Variants in DIDO1 observed in about 807,000 individuals in gnomAD.
The protein encoded by DIDO1 is death inducer-obliterator 1.
A neutral mutation model predicts 99.4 loss-of-function variants in DIDO1; 16 were observed. That is an observed-to-expected ratio of 0.16 (90% CI 0.11 to 0.24). DIDO1 has a LOEUF of 0.24. Among genes scored for constraint, DIDO1 ranks in the 10% least tolerant of loss-of-function variants. The pLI, the probability that DIDO1 is intolerant of heterozygous loss-of-function variation, is 1.00. For synonymous variants in DIDO1, 1,366 were observed against 1,239.1 expected (o/e 1.10, Z -2.15); for missense variants, 2,996 against 3,014.0 (o/e 0.99, Z 0.14).
intron 6 of DIDO1, among the ~76,000 whole-genome samples, chr20:62,903,285 T>TG (rs1448273274): frequency 6.6e-6 from 1 of 152,210 alleles, no homozygotes. Context: ...CCTCACCTGT[T>TG]GGACAGGAAC....
intron 4 of DIDO1, 122 bp from the exon 5 acceptor site, chr20:62,907,481 G>A (rs1023482310): frequency 2.6e-5 from 24 of 919,552 alleles, no homozygotes; most frequent in Non-Finnish European, 3.8e-5. Flanking sequence ...GATACTAACA[G>A]TACTTTTAAT....
rs747526628 is a variant in DIDO1 at position 62,911,394 on chromosome 20, G to A, written c.219C>T (p.Arg73=). The A allele has an allele frequency of 6.3e-5, 101 of 1,611,884 alleles. No homozygotes were observed. In the Admixed American group the frequency reaches 9.8e-4, roughly 16 times the overall value. The change falls in exon 3 of 16, where the codon CGC becomes CGT. Residue 73 remains arginine (R), a synonymous_variant. Coordinates refer to ENST00000395343, the MANE Select transcript of DIDO1 (RefSeq NM_001193369.2). This position sits in a 1 kb window ranked among gnomAD's most constrained non-coding sequence, Gnocchi z 7.0. The stretch of plus-strand genomic sequence containing the variant: ...GCGCAATGGTCAGGAACTGCTCCAC[G>A]CGCTCAGTGCGCTTGGGCTGCCTCC... ...RSGRQPKRTE[R]VEQFLTIARR...
chr20:62,889,420 T>C (rs1248212156), intron 15 of DIDO1: 9 of 985,268 alleles, frequency 9.1e-6, no homozygotes, highest in Non-Finnish European at 1.1e-5. Context: ...GGAGAGAAGC[T>C]CAAGAAAGGA....
Position 62,911,263 on chromosome 20 carries a change from C to T in DIDO1, c.350G>A (p.Ser117Asn), listed in dbSNP as rs1325594218. ...AETASEGSVESASETRSGPQS... is the reference protein window; with the variant it reads ...AETASEGSVENASETRSGPQS... The stretch of plus-strand genomic sequence containing the variant: ...GGGGCCGCTTCTGGTCTCAGAAGCG[C>T]TTTCCACGCTGCCCTCGGAGGCTGT... The change falls in exon 3 of 16, where the codon AGC becomes AAC. Residue 117 changes from serine (S) to asparagine (N), a missense_variant. Transcript: ENST00000395343. This position sits in a 1 kb window ranked among gnomAD's most constrained non-coding sequence, Gnocchi z 7.0. 1.9e-6 allele frequency: 3 copies of T among 1,612,964 alleles called. No homozygotes were observed. The highest frequency in any genetic ancestry group is 3.3e-5 in the Admixed American group (2 of 60,008).
chr20:62,882,077 T>TGCTGTTGTG lies in DIDO1; in HGVS notation c.3870_3878dup (p.Thr1291_Ala1293dup). The TGCTGTTGTG allele has an allele frequency of 1.2e-6, 2 of 1,601,212 alleles. No individual in the cohort carries two copies. Among genetic ancestry groups the TGCTGTTGTG allele is most frequent in the South Asian group, 2.3e-5 (2 of 88,320 alleles). On this transcript the variant is annotated inframe_insertion, in exon 16 of 16. Coordinates refer to ENST00000395343, the MANE Select transcript of DIDO1 (RefSeq NM_001193369.2). ...AGGAAGCTGCCGTGGAGGCTGCCGC[T>TGCTGTTGTG]GCTGTTGTGGCTGCTGTGGCTGGGC...
chr20:62,897,513 A>T (rs2064563710), intron 6 of DIDO1, among the ~76,000 whole-genome samples: 1 of 152,228 alleles, frequency 6.6e-6, no homozygotes, highest in Non-Finnish European at 1.5e-5. Flanking sequence ...GATGCCATTA[A>T]TAAAAATATG....
At chr20:62,899,470 C>G (rs890599105) in intron 6 of DIDO1, among the ~76,000 whole-genome samples, 8 of 152,336 alleles carry the variant, frequency 5.3e-5, no homozygotes, top group Admixed American at 1.3e-4. Context: ...TGGCCACACT[C>G]AGATTTCTGC....
intron 2 of DIDO1, among the ~76,000 whole-genome samples, chr20:62,913,302 C>G (rs1287391076): frequency 8.6e-6 from 1 of 116,506 alleles, no homozygotes; most frequent in African/African-American, 2.6e-5. Context: ...AGGGCACCAG[C>G]AGCGACTCCA....
At position 62,910,922 on chromosome 20, in the gene DIDO1, T is replaced by C. The variant is rs1208813285; in HGVS notation, c.691A>G (p.Lys231Glu). ...NDQGVVSQAGKDDRESKLEGK... is the reference protein window; with the variant it reads ...NDQGVVSQAGEDDRESKLEGK... Reference sequence around the variant, plus strand: ...TCCAACTTACTCTCTCTGTCATCTTTCCCAGCCTGGGACACAACCCCCTGA... The same window carrying C: ...TCCAACTTACTCTCTCTGTCATCTTCCCCAGCCTGGGACACAACCCCCTGA... Residue 231 changes from lysine (K) to glutamate (E), a missense_variant, in exon 3 of 16, where the codon AAA (lysine) becomes GAA (glutamate). Lys to Glu is a moderately conservative substitution (Grantham distance 56). Coordinates refer to ENST00000395343, the MANE Select transcript of DIDO1 (RefSeq NM_001193369.2). 5 of 1,614,140 alleles carry C rather than the reference T, an allele frequency of 3.1e-6. No homozygotes were observed. The highest frequency in any genetic ancestry group is 1.7e-5 in the Admixed American group (1 of 60,028).
intron 1 of DIDO1, among the ~76,000 whole-genome samples, chr20:62,934,517 G>T (rs145090273): frequency 6.6e-6 from 1 of 152,292 alleles, no homozygotes; most frequent in East Asian, 1.9e-4. Context: ...CAGAAGCTGA[G>T]AAATTATCCT....
chr20:62,929,692 A>AAAAAAAAAAATAT, upstream of DIDO1, among the ~76,000 whole-genome samples: 128 of 63,728 alleles, frequency 2.0e-3, 4 homozygotes, highest in African/African-American at 9.0e-3. Flanking sequence ...AAAAAGAAAA[A>AAAAAAAAAAATAT]GTGTATATAT....
At chr20:62,906,331 C>T (rs942924986) in intron 5 of DIDO1, among the ~76,000 whole-genome samples, 2 of 152,180 alleles carry the variant, frequency 1.3e-5, no homozygotes, top group Non-Finnish European at 2.9e-5. Context: ...ACTTGTGCTC[C>T]GTGAAGGGCG....
chr20:62,907,816 A>G (rs1180923953), intron 4 of DIDO1, among the ~76,000 whole-genome samples: 2 of 152,278 alleles, frequency 1.3e-5, no homozygotes, highest in South Asian at 2.1e-4. Flanking sequence ...AGAAGACTTC[A>G]TAGCTGGTTT....
intron 1 of DIDO1, among the ~76,000 whole-genome samples, chr20:62,919,269 C>G (rs1373589338): frequency 6.6e-6 from 1 of 152,158 alleles, no homozygotes; most frequent in Non-Finnish European, 1.5e-5. Flanking sequence ...TATTCTGGGC[C>G]GGGTGCGGTG....
chr20:62,920,432 G>C (rs1185932561), intron 1 of DIDO1, among the ~76,000 whole-genome samples: 2 of 152,194 alleles, frequency 1.3e-5, no homozygotes. Context: ...AGGGCACTTT[G>C]AGGGAGAGGT....
At chr20:62,910,638 T>C in intron 3 of DIDO1, 136 bp downstream of exon 3, 1 of 1,106,682 alleles carries the variant, frequency 9.0e-7, no homozygotes, top group Non-Finnish European at 1.3e-6. Flanking sequence ...TCTTATGTGT[T>C]TCTTTTTTGA....
rs144417856 is a variant in DIDO1, at chr20:62,922,678, G to T, written c.-200+3761C>A. ...GACATCCTGTGCCAAATCATCTGCG[G>T]CAAGTGTGCAACAGACGGTAGGTGC... On this transcript the variant is annotated intron_variant, in intron 1 of 15. Transcript: ENST00000395343. Among the ~76,000 whole-genome samples, 327 of 152,350 alleles carry T rather than the reference G, an allele frequency of 2.1e-3. 1 individual carries two copies. Among genetic ancestry groups the T allele is most frequent in the African/African-American group, 7.2e-3 (301 of 41,580 alleles).
intron 6 of DIDO1, among the ~76,000 whole-genome samples, chr20:62,899,288 A>G (rs1368994828): frequency 6.6e-6 from 1 of 152,224 alleles, no homozygotes; most frequent in Non-Finnish European, 1.5e-5. Flanking sequence ...GCATTTCCAG[A>G]AACCTCGGCA....
chr20:62,882,396 G>A lies in DIDO1; in HGVS notation c.3560C>T (p.Pro1187Leu), dbSNP rs768197518. 2.5e-6 allele frequency: 4 copies of A among 1,610,438 alleles called. No individual in the cohort carries two copies. The highest frequency in any genetic ancestry group is 4.5e-5 in the East Asian group (2 of 44,814). ...FEGPGLESPRPNIILGLVICQ... is the reference protein window; with the variant it reads ...FEGPGLESPRLNIILGLVICQ... ...GATTACTAACCCAAGAATTATATTC[G>A]GACGTGGTGACTCAAGACCTGAAAA... Residue 1187 changes from proline (P) to leucine (L), a missense_variant, in exon 16 of 16, where the codon CCG becomes CTG. By Grantham distance (98) the Pro-to-Leu change is moderately conservative. This residue lies in a region of DIDO1 where 135 missense variants were observed against 202.3 expected (regional missense o/e 0.67). Coordinates refer to ENST00000395343, the MANE Select transcript of DIDO1 (RefSeq NM_001193369.2).
Sources: allele counts gnomAD v4.1 joint callset (sites outside exome capture counted in the v4.1 genomes callset), GRCh38; gene constraint gnomAD v4.1.1; regional missense constraint gnomAD v4.1.1; non-coding constraint Gnocchi (gnomAD v3.1); transcripts MANE v1.5; gene names NCBI Gene and HGNC (gene_info 2026-07-23, HGNC 2026-07-21).